ACKR3: variants seen among roughly 807,000 people sequenced by gnomAD.
The protein encoded by ACKR3 is atypical chemokine receptor 3.
Under a neutral mutation model 22.4 loss-of-function variants are expected in ACKR3, and 6 were observed. The ratio of observed to expected loss-of-function variants is 0.27; its 90% confidence interval spans 0.15 to 0.53. The LOEUF is 0.53. Ranked by LOEUF, ACKR3 falls within the 20% of genes least tolerant of loss-of-function variation. ACKR3 has a pLI of 0.96. For synonymous variants in ACKR3, 209 were observed against 205.2 expected (o/e 1.02, Z -0.16); for missense variants, 396 against 475.2 (o/e 0.83, Z 1.55).
chr2:236,581,254 C>T lies in ACKR3; in HGVS notation c.789C>T (p.Val263=). Residue 263 remains valine (V), a synonymous_variant, in exon 2 of 2, where the codon GTC becomes GTT. Coordinates refer to ENST00000272928, the MANE Select transcript of ACKR3 (RefSeq NM_020311.3). This position sits in a 1 kb window ranked among gnomAD's most constrained non-coding sequence, Gnocchi z 4.4. ...IIFSYVVVFL[V]CWLPYHVAVL... Reference sequence around the variant, plus strand: ...TCTCCTACGTGGTGGTCTTCCTTGTCTGCTGGCTGCCCTACCACGTGGCGG... The same window carrying T: ...TCTCCTACGTGGTGGTCTTCCTTGTTTGCTGGCTGCCCTACCACGTGGCGG... The T allele has an allele frequency of 1.9e-6, 3 of 1,614,110 alleles. No individual in the cohort carries two copies. The highest frequency in any genetic ancestry group is 2.5e-6 in the Non-Finnish European group (3 of 1,179,956).
chr2:236,537,240 C>T, the ACKR3 span, among the ~76,000 whole-genome samples: 1 of 152,218 alleles, frequency 6.6e-6, no homozygotes, highest in Non-Finnish European at 1.5e-5. Context: ...ATGGCTGCCA[C>T]CTGCTGACAG....
Position 236,581,572 on chromosome 2 carries a change from C to T in ACKR3, c.*18C>T. The T allele has an allele frequency of 1.2e-6, 2 of 1,601,518 alleles. No individual in the cohort carries two copies. The highest frequency in any genetic ancestry group is 8.5e-7 in the Non-Finnish European group (1 of 1,171,504). On this transcript the variant is annotated 3_prime_UTR_variant, in exon 2 of 2. Coordinates refer to ENST00000272928, the MANE Select transcript of ACKR3 (RefSeq NM_020311.3). The surrounding 1 kb of genome is among the most constrained non-coding windows in gnomAD (Gnocchi z 4.4). ...CCAAATGATCTGCCCTGGAGAGGCT[C>T]TGGGACGGGTTTACTTGTTTTTGAA...
At chr2:236,538,334 C>T in the ACKR3 span, among the ~76,000 whole-genome samples, 2 of 152,224 alleles carry the variant, frequency 1.3e-5, no homozygotes, top group African/African-American at 2.4e-5. Context: ...AACAGCAACA[C>T]AGTGATGATA....
chr2:236,550,684 C>T, the ACKR3 span, among the ~76,000 whole-genome samples: 3 of 152,212 alleles, frequency 2.0e-5, no homozygotes, highest in African/African-American at 7.2e-5. This position sits in a 1 kb window ranked among gnomAD's most constrained non-coding sequence, Gnocchi z 4.6. Flanking sequence ...AGGCATGAAA[C>T]CTCTCGGAGC....
chr2:236,538,211 G>A, the ACKR3 span, among the ~76,000 whole-genome samples: 3 of 152,116 alleles, frequency 2.0e-5, no homozygotes, highest in Non-Finnish European at 2.9e-5. Context: ...AAAACCTTGT[G>A]TGGCCATAAT....
chr2:236,551,498 G>C, the ACKR3 span, among the ~76,000 whole-genome samples: 2 of 152,082 alleles, frequency 1.3e-5, no homozygotes, highest in Non-Finnish European at 2.9e-5. Context: ...GCTGACATCA[G>C]GGGCCATCCT....
chr2:236,580,678 G>T lies in ACKR3; in HGVS notation c.213G>T (p.Gln71His), dbSNP rs752378876. 1 of 1,614,138 alleles carries T rather than the reference G, an allele frequency of 6.2e-7. No individual in the cohort carries two copies. The highest frequency in any genetic ancestry group is 8.5e-7 in the Non-Finnish European group (1 of 1,180,020). Residue 71 changes from glutamine to histidine, a missense_variant, in exon 2 of 2, where the codon CAG (glutamine) becomes CAT (histidine). Physicochemically the swap from Gln to His is conservative, Grantham distance 24. Coordinates refer to ENST00000272928, the MANE Select transcript of ACKR3 (RefSeq NM_020311.3). ...ANSVVVWVNI[Q>H]AKTTGYDTHC... ...CCGTGGTGGTCTGGGTGAATATCCA[G>T]GCCAAGACCACAGGCTATGACACGC...
chr2:236,539,840 A>G, the ACKR3 span, among the ~76,000 whole-genome samples: 3 of 152,222 alleles, frequency 2.0e-5, no homozygotes, highest in African/African-American at 7.2e-5. Context: ...AGGAAGGCAA[A>G]GGAGATGCAA....
At chr2:236,539,301 C>CTT in the ACKR3 span, among the ~76,000 whole-genome samples, 1 of 129,200 alleles carries the variant, frequency 7.7e-6, no homozygotes, top group Non-Finnish European at 1.6e-5. Flanking sequence ...TTTCATTTTT[C>CTT]TTTTCTTTTT....
At chr2:236,573,099 G>C (rs76178381) in intron 1 of ACKR3, among the ~76,000 whole-genome samples, 3,053 of 152,242 alleles carry the variant, frequency 0.02, 102 homozygotes, top group African/African-American at 0.07. Context: ...GTCTGCCTGG[G>C]CCAAAGCTCC....
At chr2:236,546,719 G>A in the ACKR3 span, among the ~76,000 whole-genome samples, 1 of 152,222 alleles carries the variant, frequency 6.6e-6, no homozygotes, top group South Asian at 2.1e-4. This position sits in a 1 kb window ranked among gnomAD's most constrained non-coding sequence, Gnocchi z 4.9. Flanking sequence ...CCCTGCCTGG[G>A]GATGGGGAGC....
chr2:236,553,517 G>A, the ACKR3 span, among the ~76,000 whole-genome samples: 1 of 152,256 alleles, frequency 6.6e-6, no homozygotes, highest in African/African-American at 2.4e-5. Flanking sequence ...CATAGGCTGA[G>A]CTGGAAAATG....
At chr2:236,580,347 G>T in intron 1 of ACKR3, 93 bp from the exon 2 acceptor site, 1 of 1,372,552 alleles carries the variant, frequency 7.3e-7, no homozygotes. Context: ...GCCTATCAGG[G>T]CCTTGGAAAA....
chr2:236,541,559 T>C, the ACKR3 span, among the ~76,000 whole-genome samples: 1 of 152,240 alleles, frequency 6.6e-6, no homozygotes, highest in Non-Finnish European at 1.5e-5. Flanking sequence ...GGGTTGCCTG[T>C]GTCCTAGCAC....
the ACKR3 span, among the ~76,000 whole-genome samples, chr2:236,538,004 AG>A: frequency 6.6e-6 from 1 of 152,272 alleles, no homozygotes; most frequent in Non-Finnish European, 1.5e-5. Context: ...TGTTGGAAGT[AG>A]GTATTCCAAA....
upstream of ACKR3, among the ~76,000 whole-genome samples, chr2:236,566,077 A>G (rs1227979109): frequency 6.6e-6 from 1 of 152,188 alleles, no homozygotes; most frequent in African/African-American, 2.4e-5. Context: ...CACAGACCCT[A>G]CCGGCCGCCG....
chr2:236,542,791 C>T, the ACKR3 span, among the ~76,000 whole-genome samples: 2 of 147,366 alleles, frequency 1.4e-5, no homozygotes, highest in African/African-American at 5.4e-5. Context: ...AATTATCCGA[C>T]AGCATGTGGA....
At chr2:236,564,037 T>C (rs1231529329), upstream of ACKR3, among the ~76,000 whole-genome samples, 1 of 152,168 alleles carries the variant, frequency 6.6e-6, no homozygotes, top group African/African-American at 2.4e-5. Context: ...CTCTGACTTC[T>C]TGGAATTGGA....
At chr2:236,560,319 T>C in the ACKR3 span, among the ~76,000 whole-genome samples, 1 of 143,714 alleles carries the variant, frequency 7.0e-6, no homozygotes, top group African/African-American at 2.9e-5. Flanking sequence ...TTGTTGCCTT[T>C]TTTTTTTTTT....
Sources: allele counts gnomAD v4.1 joint callset (sites outside exome capture counted in the v4.1 genomes callset), GRCh38; gene constraint gnomAD v4.1.1; non-coding constraint Gnocchi (gnomAD v3.1); transcripts MANE v1.5; gene names NCBI Gene and HGNC (gene_info 2026-07-23, HGNC 2026-07-21).